The following PTPRG variants were observed in gnomAD, a reference collection of about 807,000 sequenced individuals.
PTPRG encodes receptor-type tyrosine-protein phosphatase gamma.
Under a neutral mutation model 165.3 loss-of-function variants are expected in PTPRG, and 102 were observed. The ratio of observed to expected loss-of-function variants is 0.62; its 90% CI spans 0.53 to 0.73. The LOEUF (loss-of-function observed/expected upper bound fraction) is 0.73. PTPRG is among the 30% of genes least tolerant of loss of function. The pLI, the probability that PTPRG is intolerant of heterozygous loss-of-function variation, is 0.00. For missense variants in PTPRG, 1,866 were observed against 1,861.4 expected (o/e 1.00, Z -0.05); for synonymous variants, 675 against 669.5 (o/e 1.01, Z -0.13).
chr3:61,802,360 C>G (rs557347743), intron 2 of PTPRG, among the ~76,000 whole-genome samples: 2 of 151,828 alleles, frequency 1.3e-5, no homozygotes, highest in South Asian at 4.2e-4. Context: ...AGAAGCTGGC[C>G]AAAGAGAAGA....
intron 2 of PTPRG, among the ~76,000 whole-genome samples, chr3:61,978,323 CT>C (rs1221886128): frequency 6.6e-6 from 1 of 152,062 alleles, no homozygotes; most frequent in Non-Finnish European, 1.5e-5. Context: ...TTTTATCAGT[CT>C]TTTTTGGCTT....
chr3:62,073,836 AAGAAAG>A (rs1473425618), intron 4 of PTPRG, among the ~76,000 whole-genome samples: 3 of 152,174 alleles, frequency 2.0e-5, no homozygotes, highest in African/African-American at 7.2e-5. Flanking sequence ...TGTCAGAGTA[AAGAAAG>A]AGGCTCAGTA....
chr3:61,864,439 G>A (rs940011244), intron 2 of PTPRG, among the ~76,000 whole-genome samples: 2 of 151,834 alleles, frequency 1.3e-5, no homozygotes, highest in East Asian at 3.9e-4. Flanking sequence ...GGAGAATCCC[G>A]GGCTTCTAAT....
intron 3 of PTPRG, among the ~76,000 whole-genome samples, chr3:61,995,887 T>C (rs1046351438): frequency 2.6e-5 from 4 of 152,034 alleles, no homozygotes; most frequent in African/African-American, 4.8e-5. Flanking sequence ...GGACTCGATA[T>C]GTCTTTCTCT....
Position 61,746,032 on chromosome 3 carries a change from TTTC to T in PTPRG, c.86-2843_86-2841del, listed in dbSNP as rs1345645690. Among the ~76,000 whole-genome samples, 7 of 132,436 alleles carry T rather than the reference TTTC, an allele frequency of 5.3e-5. No individual in the cohort carries two copies. In the East Asian group the frequency reaches 9.0e-4, roughly 17 times the overall value. The allele number at this position is 132,436 out of a possible 152,430, so 86.9% of individuals were successfully genotyped here. Reference sequence around the variant, plus strand: ...TTTTATTTTAGTTATTTTATTAAACTTTCTTTCTTTTTCTTTTCTTTTTTTTTT... The same window carrying T: ...TTTTATTTTAGTTATTTTATTAAACTTTTCTTTTTCTTTTCTTTTTTTTTT... On this transcript the variant is annotated intron_variant, in intron 1 of 29. Transcript: ENST00000474889.
At chr3:62,127,994 A>G (rs1352530962) in intron 5 of PTPRG, among the ~76,000 whole-genome samples, 1 of 152,120 alleles carries the variant, frequency 6.6e-6, no homozygotes, top group Non-Finnish European at 1.5e-5. Context: ...AGATTTCATG[A>G]GCGTTTATGT....
chr3:61,869,617 C>T (rs2037507380), intron 2 of PTPRG, among the ~76,000 whole-genome samples: 2 of 150,146 alleles, frequency 1.3e-5, no homozygotes, highest in East Asian at 2.0e-4. Context: ...CTTACTCTGT[C>T]ACCCAGGCGG....
intron 2 of PTPRG, among the ~76,000 whole-genome samples, chr3:61,773,548 T>A (rs2034276876): frequency 6.6e-6 from 1 of 152,176 alleles, no homozygotes; most frequent in Non-Finnish European, 1.5e-5. Context: ...ATTTCTTTTG[T>A]GTAAAAGTGT....
intron 2 of PTPRG, among the ~76,000 whole-genome samples, chr3:61,858,615 T>C (rs144483598): frequency 0.011 from 1,748 of 152,304 alleles, 36 homozygotes; most frequent in African/African-American, 0.039. Context: ...ATGTATTTTT[T>C]AAAACAAGTA....
At chr3:62,110,721 C>T (rs746408786) in intron 5 of PTPRG, among the ~76,000 whole-genome samples, 10 of 152,300 alleles carry the variant, frequency 6.6e-5, no homozygotes, top group Non-Finnish European at 1.5e-4. Context: ...CTATACAATC[C>T]GTTCACATTT....
chr3:61,666,989 C>T (rs960824765), intron 1 of PTPRG, among the ~76,000 whole-genome samples: 4 of 152,144 alleles, frequency 2.6e-5, no homozygotes, highest in African/African-American at 9.7e-5. Context: ...GGTAGTGTCT[C>T]CTCTCCCTTA....
At chr3:62,038,044 G>A (rs1700007305) in intron 4 of PTPRG, among the ~76,000 whole-genome samples, 2 of 152,262 alleles carry the variant, frequency 1.3e-5, no homozygotes, top group South Asian at 4.1e-4. Flanking sequence ...CAGAAGGAGT[G>A]TCAAGTCAAA....
chr3:61,887,740 G>A (rs2038092637), intron 2 of PTPRG, among the ~76,000 whole-genome samples: 1 of 151,416 alleles, frequency 6.6e-6, no homozygotes, highest in Non-Finnish European at 1.5e-5. Flanking sequence ...AAAGGCTGAT[G>A]GTTAAATCAT....
chr3:62,129,719 AC>A (rs1280108763), intron 5 of PTPRG, among the ~76,000 whole-genome samples: 1 of 152,204 alleles, frequency 6.6e-6, no homozygotes, highest in Non-Finnish European at 1.5e-5. Context: ...AGTTTCCAAC[AC>A]GTGAAATGTT....
intron 14 of PTPRG, among the ~76,000 whole-genome samples, chr3:62,232,735 G>T (rs564642817): frequency 1.3e-5 from 2 of 152,302 alleles, no homozygotes; most frequent in East Asian, 1.9e-4. Context: ...AGTCTCTCTG[G>T]TATCTTCTCT....
chr3:61,649,129 C>A (rs563299267), intron 1 of PTPRG, among the ~76,000 whole-genome samples: 1 of 151,790 alleles, frequency 6.6e-6, no homozygotes, highest in East Asian at 1.9e-4. Context: ...CCCTCCCTCC[C>A]TCCCTTTTCC....
chr3:61,834,572 T>C (rs962448341), intron 2 of PTPRG, among the ~76,000 whole-genome samples: 4 of 152,114 alleles, frequency 2.6e-5, no homozygotes, highest in Non-Finnish European at 5.9e-5. Context: ...CCCAACACTT[T>C]GGGAGGCCGA....
chr3:62,251,861 C>T (rs553138021), intron 15 of PTPRG, among the ~76,000 whole-genome samples: 181 of 152,172 alleles, frequency 1.2e-3, no homozygotes, highest in African/African-American at 4.1e-3. Context: ...CAAGTTGCCT[C>T]GGTTTCCTTA....
chr3:61,665,982 CT>C (rs34088763), intron 1 of PTPRG, among the ~76,000 whole-genome samples: 106,145 of 139,962 alleles, frequency 0.76, 40,259 homozygotes, highest in South Asian at 0.88. Context: ...CGCCTTTTTA[CT>C]TTTTTTTTTT....
Sources: allele counts gnomAD v4.1 joint callset (sites outside exome capture counted in the v4.1 genomes callset), GRCh38; gene constraint gnomAD v4.1.1; transcripts MANE v1.5; gene names NCBI Gene and HGNC (gene_info 2026-07-23, HGNC 2026-07-21).